The following NUDCD3 variants were observed in gnomAD, a reference collection of about 807,000 sequenced individuals.
NUDCD3 encodes NudC domain containing 3.
Under a neutral mutation model 39.7 loss-of-function variants are expected in NUDCD3, and 13 were observed. The observed-to-expected ratio is 0.33, with a 90% CI of 0.21 to 0.52. The LOEUF (loss-of-function observed/expected upper bound fraction) is 0.52. Ranked by LOEUF, NUDCD3 falls within the 20% of genes least tolerant of loss-of-function variation. The pLI, the probability that NUDCD3 is intolerant of heterozygous loss-of-function variation, is 0.96. For synonymous variants in NUDCD3, 175 were observed against 172.4 expected (o/e 1.02, Z -0.12); for missense variants, 453 against 458.1 (o/e 0.99, Z 0.10).
intron 3 of NUDCD3, among the ~76,000 whole-genome samples, chr7:44,420,557 C>G (rs1200018735): frequency 2.6e-5 from 4 of 152,142 alleles, no homozygotes; most frequent in Non-Finnish European, 2.9e-5. Flanking sequence ...GTCAGATTCT[C>G]CAAGGTTGAA....
chr7:44,389,441 G>A (rs903704259), intron 5 of NUDCD3, among the ~76,000 whole-genome samples: 7 of 152,238 alleles, frequency 4.6e-5, no homozygotes, highest in Non-Finnish European at 1.0e-4. Flanking sequence ...CACTTTGGGA[G>A]GCCGAGGCGG....
At chr7:44,488,906 T>C (rs760966101) in intron 1 of NUDCD3, among the ~76,000 whole-genome samples, 2 of 152,220 alleles carry the variant, frequency 1.3e-5, no homozygotes, top group Non-Finnish European at 2.9e-5. Context: ...TCTCAGGTTA[T>C]ATTAAGGGTT....
intron 2 of NUDCD3, among the ~76,000 whole-genome samples, chr7:44,469,817 C>T (rs994075316): frequency 8.2e-5 from 12 of 146,150 alleles, no homozygotes; most frequent in African/African-American, 3.0e-4. Flanking sequence ...TAATGAGGGA[C>T]ATTCCACGAA....
chr7:44,484,870 A>C (rs1254622702), intron 2 of NUDCD3, 98 bp downstream of exon 2: 2 of 901,466 alleles, frequency 2.2e-6, no homozygotes, highest in African/African-American at 1.7e-5. Context: ...TACTGAGATC[A>C]AGAATTAATG....
At chr7:44,486,369 T>C (rs1800609806) in intron 1 of NUDCD3, among the ~76,000 whole-genome samples, 1 of 152,158 alleles carries the variant, frequency 6.6e-6, no homozygotes, top group Non-Finnish European at 1.5e-5. Flanking sequence ...ACAAAAATAC[T>C]GTGAAGAAGA....
chr7:44,420,152 C>G (rs62459135), intron 3 of NUDCD3, among the ~76,000 whole-genome samples: 7,720 of 151,962 alleles, frequency 0.051, 256 homozygotes, highest in Middle Eastern at 0.13. Context: ...GAGAAGAACA[C>G]AAATGACCTG....
Position 44,379,150 on chromosome 7 carries a change from C to G in NUDCD3, c.*6861G>C, listed in dbSNP as rs976738304. The G allele has an allele frequency of 4.6e-5, 7 of 152,176 alleles. No individual in the cohort carries two copies. The highest frequency in any genetic ancestry group is 1.7e-4 in the African/African-American group (7 of 41,460). 9.4% of individuals were successfully genotyped at this position (152,176 alleles called of 1,614,324 possible). On this transcript the variant is annotated 3_prime_UTR_variant, in exon 6 of 6. Transcript: ENST00000355451. ...TTTATACGGTTTACAAATACACGTA[C>G]AGTGAAAAATGACACCATCAAGCCA...
chr7:44,410,077 G>A (rs962954058), intron 3 of NUDCD3, among the ~76,000 whole-genome samples: 1 of 152,036 alleles, frequency 6.6e-6, no homozygotes, highest in African/African-American at 2.4e-5. Flanking sequence ...ACATACAGAA[G>A]AGAAAAGAAG....
intron 5 of NUDCD3, 135 bp from the exon 6 acceptor site, chr7:44,386,256 G>A (rs1798400317): frequency 3.2e-6 from 3 of 928,792 alleles, no homozygotes; most frequent in African/African-American, 1.7e-5. Flanking sequence ...AGACCGGCTG[G>A]CCAGAGAACT....
chr7:44,467,395 T>C (rs1295348237), intron 2 of NUDCD3, among the ~76,000 whole-genome samples: 1 of 152,146 alleles, frequency 6.6e-6, no homozygotes, highest in Non-Finnish European at 1.5e-5. Context: ...AGCCATCCTC[T>C]CTCCCTTCCT....
Position 44,430,554 on chromosome 7 carries a change from C to CCACACACACACACA in NUDCD3, c.510-2865_510-2852dup, listed in dbSNP as rs748912083. On this transcript the variant is annotated intron_variant, in intron 2 of 5. Transcript: ENST00000355451. Reference sequence around the variant, plus strand: ...TTGTGAAAATATATAAATAAAATACCCACACACACACACACTCACACACAC... The same window carrying CCACACACACACACA: ...TTGTGAAAATATATAAATAAAATACCCACACACACACACACACACACACACACACTCACACACAC... 5.8e-4 allele frequency among the ~76,000 whole-genome samples: 81 copies of CCACACACACACACA among 140,864 alleles called. 1 individual carries two copies. The highest frequency in any genetic ancestry group is 7.0e-3 in the Middle Eastern group (2 of 284). The allele number at this position is 140,864 out of a possible 152,430, so 92.4% of individuals were successfully genotyped here. A position where few individuals can be genotyped will look rare whatever the true frequency, so the allele number is the denominator to read the frequency against.
chr7:44,425,698 C>CA (rs869036414), intron 3 of NUDCD3, among the ~76,000 whole-genome samples: 1 of 151,852 alleles, frequency 6.6e-6, no homozygotes, highest in African/African-American at 2.4e-5. Flanking sequence ...CCTATCTCTA[C>CA]AAAAAATTTT....
chr7:44,386,191 T>A, intron 5 of NUDCD3, 70 bp from the exon 6 acceptor site: 1 of 1,529,638 alleles, frequency 6.5e-7, no homozygotes, highest in Non-Finnish European at 9.0e-7. Context: ...GAGCAGACTC[T>A]GACTGCAGGT....
chr7:44,427,900 T>G (rs1799269389), intron 2 of NUDCD3, among the ~76,000 whole-genome samples, 197 bp from the exon 3 acceptor site: 1 of 151,842 alleles, frequency 6.6e-6, no homozygotes, highest in Non-Finnish European at 1.5e-5. Flanking sequence ...ATGGTACCCA[T>G]GGAAATCACA....
At chr7:44,473,124 T>C (rs546938915) in intron 2 of NUDCD3, among the ~76,000 whole-genome samples, 2 of 152,332 alleles carry the variant, frequency 1.3e-5, no homozygotes, top group South Asian at 2.1e-4. Flanking sequence ...GAATACTACA[T>C]GGCAGTTAGT....
chr7:44,393,224 G>C (rs1400877117), intron 4 of NUDCD3, among the ~76,000 whole-genome samples: 1 of 152,098 alleles, frequency 6.6e-6, no homozygotes, highest in Non-Finnish European at 1.5e-5. Flanking sequence ...GGCCTCCTTG[G>C]GCACCTCTGT....
chr7:44,474,027 T>C (rs961356492), intron 2 of NUDCD3, among the ~76,000 whole-genome samples: 1 of 152,312 alleles, frequency 6.6e-6, no homozygotes. Flanking sequence ...AAGGCAGAAT[T>C]TGTTTCAAAA....
intron 2 of NUDCD3, among the ~76,000 whole-genome samples, chr7:44,458,619 T>C (rs533072442): frequency 9.8e-4 from 147 of 149,770 alleles, no homozygotes; most frequent in African/African-American, 3.4e-3. Context: ...GATTGTGAAA[T>C]TGCACTCCAG....
chr7:44,480,861 G>A (rs891287518), intron 2 of NUDCD3, among the ~76,000 whole-genome samples: 4 of 145,386 alleles, frequency 2.8e-5, no homozygotes, highest in Non-Finnish European at 6.0e-5. Context: ...AGGCTCGCTT[G>A]AGCTCAGAAG....
Sources: gnomAD v4.1 joint callset for allele counts (sites outside exome capture counted in the v4.1 genomes callset) on GRCh38, gnomAD v4.1.1 for gene constraint, MANE v1.5 for transcripts, NCBI Gene and HGNC (gene_info 2026-07-23, HGNC 2026-07-21) for gene names.